Variants in PCSK5 observed in about 807,000 individuals in gnomAD.
The protein encoded by PCSK5 is prohormone convertase 5.
A neutral mutation model predicts 233.2 loss-of-function variants in PCSK5; 129 were observed. The ratio of observed to expected loss-of-function variants is 0.55; its 90% CI spans 0.48 to 0.64. The LOEUF (loss-of-function observed/expected upper bound fraction) is 0.64, where lower values mean the gene tolerates loss of function less well. Ranked by LOEUF, PCSK5 falls within the 30% of genes least tolerant of loss-of-function variation. The pLI is 0.00. For synonymous variants in PCSK5, 825 were observed against 879.2 expected, an observed-to-expected ratio of 0.94 and a Z score of 1.09; for missense variants, 2,076 against 2,430.1, an observed-to-expected ratio of 0.85 and a Z score of 3.06.
intron 5 of PCSK5, among the ~76,000 whole-genome samples, chr9:76,039,229 A>G (rs1295564876): frequency 1.3e-5 from 2 of 152,196 alleles, no homozygotes; most frequent in African/African-American, 4.8e-5. Flanking sequence ...TGTAAAACTT[A>G]TTTCAATTAT....
chr9:76,190,857 A>C (rs1824340852), intron 20 of PCSK5, among the ~76,000 whole-genome samples: 1 of 152,186 alleles, frequency 6.6e-6, no homozygotes, highest in Admixed American at 6.5e-5. Flanking sequence ...TTCTGATTGA[A>C]TTGATCTGGG....
intron 20 of PCSK5, among the ~76,000 whole-genome samples, chr9:76,204,115 C>A (rs964233415): frequency 6.6e-6 from 1 of 152,090 alleles, no homozygotes; most frequent in African/African-American, 2.4e-5. Flanking sequence ...CATTGTTGAT[C>A]CCTCTGCCTC....
chr9:76,100,891 A>G (rs751242835), intron 8 of PCSK5, among the ~76,000 whole-genome samples: 1 of 152,118 alleles, frequency 6.6e-6, no homozygotes, highest in Non-Finnish European at 1.5e-5. Flanking sequence ...TTTCTGTATG[A>G]TGTTCAAACC....
intron 2 of PCSK5, among the ~76,000 whole-genome samples, chr9:75,945,578 G>C (rs754673696): frequency 6.6e-6 from 1 of 151,598 alleles, no homozygotes; most frequent in Admixed American, 6.6e-5. Context: ...TCTCCACAGA[G>C]AGTAAACTTC....
intron 24 of PCSK5, among the ~76,000 whole-genome samples, chr9:76,274,489 A>G (rs1405792413): frequency 6.6e-6 from 1 of 152,100 alleles, no homozygotes; most frequent in African/African-American, 2.4e-5. Flanking sequence ...AACTGTGACC[A>G]TTTTCCTTGA....
At chr9:76,026,205 A>G (rs1186807982) in intron 4 of PCSK5, among the ~76,000 whole-genome samples, 1 of 152,188 alleles carries the variant, frequency 6.6e-6, no homozygotes, top group Non-Finnish European at 1.5e-5. Context: ...TTTTTTCAGT[A>G]ATGCAGGTAT....
At chr9:76,047,043 G>A (rs1400855230) in intron 5 of PCSK5, among the ~76,000 whole-genome samples, 2 of 152,076 alleles carry the variant, frequency 1.3e-5, no homozygotes, top group African/African-American at 4.8e-5. Context: ...AGCCAAAACA[G>A]GTAATATGTC....
intron 1 of PCSK5, among the ~76,000 whole-genome samples, chr9:75,908,019 C>T (rs1822477946): frequency 6.6e-6 from 1 of 152,220 alleles, no homozygotes; most frequent in Non-Finnish European, 1.5e-5. Context: ...GGAGGGATTG[C>T]AGACTCTAGA....
chr9:76,346,374 C>T (rs980081264), intron 35 of PCSK5, among the ~76,000 whole-genome samples: 4 of 152,026 alleles, frequency 2.6e-5, no homozygotes, highest in Non-Finnish European at 2.9e-5. Flanking sequence ...TTGGGCATTC[C>T]GAGTCTCAAA....
rs1276702208 is a variant in PCSK5 at position 76,359,957 on chromosome 9, C to T, written c.*1035C>T. 1 of 152,086 alleles carries T rather than the reference C, an allele frequency of 6.6e-6. No homozygotes were observed. The highest frequency in any genetic ancestry group is 1.5e-5 in the Non-Finnish European group (1 of 68,022). The allele number at this position is 152,086 out of a possible 1,614,324, so 9.4% of individuals were successfully genotyped here. ...TGCTGACCAGCCTTCCAGCACTGCTCATCACTATGATTTTTGTTTCTAGAC... is the reference window on the plus strand; with the variant it reads ...TGCTGACCAGCCTTCCAGCACTGCTTATCACTATGATTTTTGTTTCTAGAC... On this transcript the variant is annotated 3_prime_UTR_variant, in exon 38 of 38. Coordinates refer to ENST00000674117, the MANE Select transcript of PCSK5 (RefSeq NM_001372043.1).
intron 24 of PCSK5, among the ~76,000 whole-genome samples, chr9:76,264,397 G>A (rs1281898322): frequency 6.6e-6 from 1 of 152,104 alleles, no homozygotes; most frequent in East Asian, 1.9e-4. Flanking sequence ...TATGGGTCTT[G>A]GGAAGGAATT....
intron 2 of PCSK5, among the ~76,000 whole-genome samples, chr9:75,965,132 C>T (rs542866791): frequency 6.6e-6 from 1 of 152,300 alleles, no homozygotes; most frequent in East Asian, 1.9e-4. Context: ...TGTGGGAGGA[C>T]ACAAGAGGCA....
chr9:76,289,517 TACACACACACAC>T (rs138282168), intron 24 of PCSK5, among the ~76,000 whole-genome samples: 30,547 of 119,476 alleles, frequency 0.26, 3,526 homozygotes, highest in Middle Eastern at 0.36. Flanking sequence ...ACACGCAACA[TACACACACACAC>T]ACACACACAC....
At chr9:76,077,999 G>A (rs7865073) in intron 7 of PCSK5, among the ~76,000 whole-genome samples, 2 of 152,070 alleles carry the variant, frequency 1.3e-5, no homozygotes, top group African/African-American at 4.8e-5. Context: ...TTCCACAGAT[G>A]GTATCCTATA....
At chr9:76,136,172 T>G (rs1264274863) in intron 10 of PCSK5, among the ~76,000 whole-genome samples, 1 of 151,958 alleles carries the variant, frequency 6.6e-6, no homozygotes, top group African/African-American at 2.4e-5. Flanking sequence ...TTTGTAATTT[T>G]GTTGATGGCG....
At chr9:76,043,484 A>G (rs1563991054) in intron 5 of PCSK5, among the ~76,000 whole-genome samples, 1 of 152,102 alleles carries the variant, frequency 6.6e-6, no homozygotes, top group African/African-American at 2.4e-5. Context: ...ACACTGACTA[A>G]TTCTTATTCT....
intron 20 of PCSK5, among the ~76,000 whole-genome samples, chr9:76,219,674 C>T (rs1825659276): frequency 6.6e-6 from 1 of 152,272 alleles, no homozygotes; most frequent in East Asian, 1.9e-4. Flanking sequence ...CGTGCTCACT[C>T]ATGGGAAGCG....
intron 35 of PCSK5, 96 bp from the exon 36 acceptor site, chr9:76,350,732 T>G: frequency 1.3e-6 from 1 of 779,660 alleles, no homozygotes; most frequent in Non-Finnish European, 2.2e-6. Context: ...CTGCTTCAAT[T>G]TACTTGACAT....
At chr9:76,156,643 C>T (rs1386797115) in intron 10 of PCSK5, among the ~76,000 whole-genome samples, 2 of 152,172 alleles carry the variant, frequency 1.3e-5, no homozygotes, top group African/African-American at 2.4e-5. Context: ...AGAAAAACTA[C>T]GTGCATTAAA....
Sources: gnomAD v4.1 joint callset for allele counts (sites outside exome capture counted in the v4.1 genomes callset) on GRCh38, gnomAD v4.1.1 for gene constraint, MANE v1.5 for transcripts, NCBI Gene and HGNC (gene_info 2026-07-23, HGNC 2026-07-21) for gene names.